EDA: variants seen among roughly 807,000 people sequenced by gnomAD.
The protein encoded by EDA is ectodysplasin-A.
A neutral mutation model predicts 23.6 loss-of-function variants in EDA; 2 were observed. That is an observed-to-expected ratio of 0.08 (90% confidence interval 0.03 to 0.27). The LOEUF (loss-of-function observed/expected upper bound fraction) is 0.27, where lower values mean the gene tolerates loss of function less well. Ranked by LOEUF, EDA falls within the 10% of genes least tolerant of loss-of-function variation. The pLI, the probability that EDA is intolerant of heterozygous loss-of-function variation, is 1.00. For synonymous variants in EDA, 131 were observed against 132.0 expected (o/e 0.99, Z 0.05); for missense variants, 229 against 324.2 (o/e 0.71, Z 2.26).
At chrX:69,673,822 A>G (rs1933989362) in intron 1 of EDA, among the ~76,000 whole-genome samples, 1 of 111,648 alleles carries the variant, frequency 9.0e-6, no homozygotes. Flanking sequence ...TAGGCTATTC[A>G]AAGTCTATTC....
At chrX:69,662,321 G>A (rs1191291338) in intron 1 of EDA, among the ~76,000 whole-genome samples, 1 of 101,692 alleles carries the variant, frequency 9.8e-6, no homozygotes, top group African/African-American at 3.7e-5. Context: ...CAATTGAATT[G>A]TGGTGGAGGT....
intron 1 of EDA, among the ~76,000 whole-genome samples, chrX:69,754,987 G>A (rs936862381): frequency 9.0e-6 from 1 of 111,503 alleles, no homozygotes; most frequent in African/African-American, 3.3e-5. Flanking sequence ...GCTTCTTTGC[G>A]ATGGGTTTGA....
rs746662463 is a variant in EDA at position 69,821,553 on chromosome X, T to A, written c.397-135474T>A. ...TCACTAATAATAATTTAAAAGTACT[T>A]GAATTTATGAATTTTGTAATTAACC... On this transcript the variant is annotated intron_variant, in intron 1 of 7. Coordinates refer to ENST00000374552, the MANE Select transcript of EDA (RefSeq NM_001399.5). 3.6e-5 allele frequency among the ~76,000 whole-genome samples: 4 copies of A among 112,203 alleles called. No individual in the cohort carries two copies. The East Asian group carries it at 1.1e-3, about 31-fold the overall frequency.
intron 1 of EDA, among the ~76,000 whole-genome samples, chrX:69,947,319 T>A (rs766333363): frequency 2.7e-5 from 3 of 112,399 alleles, no homozygotes; most frequent in Admixed American, 1.9e-4. Flanking sequence ...CCATTTTTTT[T>A]ATTTGTGTCT....
At chrX:69,995,186 G>A (rs2019639684) in intron 2 of EDA, among the ~76,000 whole-genome samples, 1 of 112,044 alleles carries the variant, frequency 8.9e-6, no homozygotes, top group East Asian at 2.8e-4. Context: ...GTATACATCT[G>A]CCCCACTATT....
intron 1 of EDA, among the ~76,000 whole-genome samples, chrX:69,827,984 TG>T (rs1461709347): frequency 9.0e-6 from 1 of 110,836 alleles, no homozygotes; most frequent in Non-Finnish European, 1.9e-5. Flanking sequence ...CTGCCCCTGC[TG>T]GGGGGTGCCT....
At chrX:69,808,291 G>C (rs2015862503) in intron 1 of EDA, among the ~76,000 whole-genome samples, 1 of 111,573 alleles carries the variant, frequency 9.0e-6, no homozygotes. Context: ...CAAAAGAATA[G>C]TCCCATATGG....
chrX:69,692,424 C>A (rs772853940), intron 1 of EDA, among the ~76,000 whole-genome samples: 5 of 111,266 alleles, frequency 4.5e-5, no homozygotes, highest in Non-Finnish European at 9.4e-5. Context: ...CAACTCTAAG[C>A]AGAAGACATG....
chrX:69,693,295 A>T (rs1934765034), intron 1 of EDA: 1 of 111,712 alleles, frequency 9.0e-6, no homozygotes, highest in Non-Finnish European at 1.9e-5. Context: ...CTGTTTAACC[A>T]CCATGACTAT....
At chrX:69,827,781 T>A (rs1264070006) in intron 1 of EDA, among the ~76,000 whole-genome samples, 2 of 111,739 alleles carry the variant, frequency 1.8e-5, no homozygotes, top group African/African-American at 6.5e-5. Flanking sequence ...GCGCTCTGCT[T>A]TTTAGAGTTT....
At chrX:69,827,105 CG>C (rs1211429520) in intron 1 of EDA, among the ~76,000 whole-genome samples, 1 of 111,124 alleles carries the variant, frequency 9.0e-6, no homozygotes, top group Admixed American at 9.6e-5. Context: ...GAGGGTAACC[CG>C]ACCTTTCTCT....
intron 1 of EDA, among the ~76,000 whole-genome samples, chrX:69,935,574 T>A (rs887309396): frequency 1.6e-4 from 18 of 111,693 alleles, no homozygotes; most frequent in Admixed American, 1.3e-3. Flanking sequence ...GACCACCCAG[T>A]TACAGCACTG....
At chrX:69,798,116 T>C (rs764371890) in intron 1 of EDA, among the ~76,000 whole-genome samples, 50 of 111,478 alleles carry the variant, frequency 4.5e-4, no homozygotes, top group African/African-American at 1.6e-3. Flanking sequence ...AGTAGGAAGA[T>C]ATAATTGAAA....
At chrX:69,773,693 T>C (rs1028801903) in intron 1 of EDA, among the ~76,000 whole-genome samples, 2 of 112,108 alleles carry the variant, frequency 1.8e-5, no homozygotes, top group Admixed American at 1.9e-4. Flanking sequence ...TGCACATCTT[T>C]TCATGTGTTT....
chrX:69,902,152 A>G (rs2018107439), intron 1 of EDA, among the ~76,000 whole-genome samples: 1 of 99,937 alleles, frequency 1.0e-5, no homozygotes, highest in Non-Finnish European at 2.1e-5. Flanking sequence ...TGTTATAAAT[A>G]GAGAACTGAG....
intron 1 of EDA, among the ~76,000 whole-genome samples, chrX:69,688,194 C>T (rs1337888102): frequency 9.0e-6 from 1 of 111,531 alleles, no homozygotes. Flanking sequence ...ATACACCTCA[C>T]AGTGGCAGTG....
chrX:69,715,690 C>T (rs189789316), intron 1 of EDA, among the ~76,000 whole-genome samples: 28 of 111,944 alleles, frequency 2.5e-4, no homozygotes, highest in African/African-American at 8.4e-4. Flanking sequence ...CTAATTTATT[C>T]TCCCACTAAC....
chrX:69,859,992 T>TC (rs201525621), intron 1 of EDA, among the ~76,000 whole-genome samples: 6,680 of 109,579 alleles, frequency 0.061, 205 homozygotes, highest in Middle Eastern at 0.099. Context: ...TCCTTGTATT[T>TC]TTTTTTTTTA....
intron 1 of EDA, among the ~76,000 whole-genome samples, chrX:69,650,396 A>G (rs182795383): frequency 1.7e-4 from 19 of 112,004 alleles, no homozygotes; most frequent in African/African-American, 6.2e-4. Flanking sequence ...AGGGCTATGA[A>G]TGGTGGTTAC....
Sources: allele counts gnomAD v4.1 joint callset (sites outside exome capture counted in the v4.1 genomes callset), GRCh38; gene constraint gnomAD v4.1.1; transcripts MANE v1.5; gene names NCBI Gene and HGNC (gene_info 2026-07-23, HGNC 2026-07-21).